Variants in DPP10 observed in about 807,000 individuals in gnomAD.
DPP10 encodes inactive dipeptidyl peptidase 10.
In DPP10, 33 loss-of-function variants were observed where a neutral mutation model predicts 120.9. The observed-to-expected ratio is 0.27, with a 90% confidence interval of 0.21 to 0.37. The LOEUF is 0.37. Ranked by LOEUF, DPP10 falls within the 10% of genes least tolerant of loss-of-function variation. The pLI is 1.00. For synonymous variants in DPP10, 337 were observed against 326.1 expected, an observed-to-expected ratio of 1.03 and a Z score of -0.36; for missense variants, 816 against 942.8, an observed-to-expected ratio of 0.87 and a Z score of 1.76.
chr2:115,337,242 A>C (rs2063196192), intron 2 of DPP10, among the ~76,000 whole-genome samples: 1 of 152,058 alleles, frequency 6.6e-6, no homozygotes, highest in Non-Finnish European at 1.5e-5. Context: ...AAGTTGAGGC[A>C]GAATGGGATG....
intron 1 of DPP10, among the ~76,000 whole-genome samples, chr2:114,591,340 G>T (rs1691443509): frequency 6.6e-6 from 1 of 152,188 alleles, no homozygotes; most frequent in Admixed American, 6.5e-5. Context: ...ACAGACAGTA[G>T]TAAAGCAAAG....
chr2:114,962,662 A>G (rs1698731016), intron 1 of DPP10, among the ~76,000 whole-genome samples: 1 of 152,230 alleles, frequency 6.6e-6, no homozygotes, highest in African/African-American at 2.4e-5. Context: ...AAGAGAATTT[A>G]AAGTAACCAC....
At chr2:115,271,644 G>T (rs1030117161) in intron 1 of DPP10, among the ~76,000 whole-genome samples, 1 of 152,064 alleles carries the variant, frequency 6.6e-6, no homozygotes, top group Non-Finnish European at 1.5e-5. Flanking sequence ...AAATCTATTA[G>T]AAAGGTAAAA....
intron 1 of DPP10, among the ~76,000 whole-genome samples, chr2:115,145,424 T>C (rs2051168922): frequency 1.3e-5 from 2 of 152,194 alleles, no homozygotes; most frequent in Admixed American, 1.3e-4. Flanking sequence ...CAGACTGACT[T>C]CTTTTACTTA....
chr2:115,566,200 A>G (rs2080999831), intron 5 of DPP10, among the ~76,000 whole-genome samples: 2 of 152,192 alleles, frequency 1.3e-5, no homozygotes, highest in Non-Finnish European at 2.9e-5. Flanking sequence ...GTAGTTACTT[A>G]GATCATTTGA....
chr2:115,212,189 G>A (rs2056558842), intron 1 of DPP10, among the ~76,000 whole-genome samples: 1 of 152,048 alleles, frequency 6.6e-6, no homozygotes, highest in South Asian at 2.1e-4. Context: ...AAGCACTTTA[G>A]TGCTTTAGAG....
chr2:115,745,807 A>G (rs990714271), intron 9 of DPP10, among the ~76,000 whole-genome samples: 28 of 140,688 alleles, frequency 2.0e-4, no homozygotes, highest in African/African-American at 6.6e-4. Flanking sequence ...TTCTGGTGCC[A>G]TTTTAGGGAA....
chr2:115,691,250 A>T (rs2091299305), intron 7 of DPP10, among the ~76,000 whole-genome samples: 1 of 152,110 alleles, frequency 6.6e-6, no homozygotes, highest in South Asian at 2.1e-4. Flanking sequence ...TTTTTTATAA[A>T]TGTAGTCTGA....
intron 1 of DPP10, among the ~76,000 whole-genome samples, chr2:114,449,665 C>T (rs1217486499): frequency 2.0e-5 from 3 of 152,000 alleles, no homozygotes; most frequent in Admixed American, 1.3e-4. Context: ...TTAAGGATTT[C>T]TCCCCCACTA....
chr2:115,237,091 T>G (rs539207793), intron 1 of DPP10, among the ~76,000 whole-genome samples: 2 of 152,334 alleles, frequency 1.3e-5, no homozygotes, highest in African/African-American at 4.8e-5. Context: ...CAGACAAAGC[T>G]TATTTTATTG....
intron 5 of DPP10, among the ~76,000 whole-genome samples, chr2:115,628,393 A>C (rs2085542670): frequency 6.6e-6 from 1 of 152,086 alleles, no homozygotes. Flanking sequence ...AATTAATTTA[A>C]GTTCCTTGTA....
intron 1 of DPP10, among the ~76,000 whole-genome samples, chr2:114,579,087 T>C (rs961070953): frequency 2.6e-5 from 4 of 152,232 alleles, no homozygotes; most frequent in African/African-American, 9.6e-5. Flanking sequence ...CCATCATTTA[T>C]CTTGTACTCA....
intron 5 of DPP10, among the ~76,000 whole-genome samples, chr2:115,667,555 C>A (rs2089553013): frequency 6.6e-6 from 1 of 152,030 alleles, no homozygotes; most frequent in Admixed American, 6.6e-5. Context: ...CATTCTTCTC[C>A]AAATGTCTTG....
intron 1 of DPP10, among the ~76,000 whole-genome samples, chr2:114,688,476 A>G (rs545705292): frequency 7.8e-4 from 118 of 152,040 alleles, no homozygotes; most frequent in East Asian, 3.9e-4. Context: ...TAGAAATGCA[A>G]CAAAACCACC....
At chr2:115,432,702 T>TGTGTGTGTGTGTGTG (rs1480036665) in intron 3 of DPP10, among the ~76,000 whole-genome samples, 5 of 149,024 alleles carry the variant, frequency 3.4e-5, no homozygotes, top group African/African-American at 9.9e-5. Flanking sequence ...TGTGTGTGTC[T>TGTGTGTGTGTGTGTG]TTTAGCTCAG....
chr2:115,020,223 G>T (rs1166310904), intron 1 of DPP10, among the ~76,000 whole-genome samples: 1 of 152,096 alleles, frequency 6.6e-6, no homozygotes, highest in Non-Finnish European at 1.5e-5. Context: ...TGGCAGAATG[G>T]ATAAGAATTC....
At chr2:115,491,641 G>A (rs1158662419) in intron 3 of DPP10, among the ~76,000 whole-genome samples, 1 of 152,088 alleles carries the variant, frequency 6.6e-6, no homozygotes, top group African/African-American at 2.4e-5. Flanking sequence ...TTATCTAGGG[G>A]CTAGCATGTC....
chr2:114,587,719 C>T (rs1174686666), intron 1 of DPP10, among the ~76,000 whole-genome samples: 2 of 152,140 alleles, frequency 1.3e-5, no homozygotes, highest in East Asian at 1.9e-4. Context: ...TCTCACATTC[C>T]CTCAAACACT....
At chr2:115,560,411 T>A (rs1490967334) in intron 5 of DPP10, among the ~76,000 whole-genome samples, 35 of 21,522 alleles carry the variant, frequency 1.6e-3, no homozygotes, top group African/African-American at 4.1e-3. Context: ...AAAATATATA[T>A]ATATATATAT....
Sources: allele counts gnomAD v4.1 joint callset (sites outside exome capture counted in the v4.1 genomes callset), GRCh38; gene constraint gnomAD v4.1.1; transcripts MANE v1.5; gene names NCBI Gene and HGNC (gene_info 2026-07-23, HGNC 2026-07-21).